CAMK2B: variants seen among roughly 807,000 people sequenced by gnomAD.
CAMK2B encodes calcium/calmodulin dependent protein kinase II beta.
Under a neutral mutation model 93.7 loss-of-function variants are expected in CAMK2B, and 27 were observed. That is an observed-to-expected ratio of 0.29 (90% confidence interval 0.21 to 0.40). The LOEUF is 0.40. Among genes scored for constraint, CAMK2B ranks in the 10% least tolerant of loss-of-function variants. The probability of loss-of-function intolerance (pLI) is 1.00; values close to 1 mark genes in which losing one functional copy is unlikely to be tolerated. For missense variants in CAMK2B, 568 were observed against 895.8 expected, an observed-to-expected ratio of 0.63 and a Z score of 4.67; for synonymous variants, 374 against 358.8, an observed-to-expected ratio of 1.04 and a Z score of -0.48.
intron 2 of CAMK2B, among the ~76,000 whole-genome samples, chr7:44,281,400 A>G (rs2097101253): frequency 6.6e-6 from 1 of 152,222 alleles, no homozygotes; most frequent in African/African-American, 2.4e-5. Context: ...CCTGGGCTCA[A>G]GCCAGCAGCA....
intron 1 of CAMK2B, among the ~76,000 whole-genome samples, chr7:44,324,773 T>G (rs1259600846): frequency 6.6e-6 from 1 of 152,060 alleles, no homozygotes; most frequent in African/African-American, 2.4e-5. Flanking sequence ...TCCAGAAGAA[T>G]CTGGGGGAAA....
intron 20 of CAMK2B, 147 bp from the exon 21 acceptor site, chr7:44,221,048 G>A (rs936623069): frequency 1.2e-4 from 75 of 622,440 alleles, no homozygotes; most frequent in Non-Finnish European, 1.9e-4. Flanking sequence ...CCTCTCCGCC[G>A]CCCCCCCTGC....
At chr7:44,280,326 A>G (rs112091892) in intron 2 of CAMK2B, among the ~76,000 whole-genome samples, 95 of 152,268 alleles carry the variant, frequency 6.2e-4, no homozygotes, top group African/African-American at 2.2e-3. Flanking sequence ...ACGGGTCTCA[A>G]TCTGTGGAGA....
chr7:44,242,439 G>C, intron 9 of CAMK2B, 99 bp from the exon 10 acceptor site: 3 of 1,550,326 alleles, frequency 1.9e-6, no homozygotes, highest in South Asian at 1.2e-5. Flanking sequence ...GAATCTGGGA[G>C]AGCAGGACCC....
chr7:44,323,500 A>T (rs929319829), intron 1 of CAMK2B, among the ~76,000 whole-genome samples: 4 of 152,234 alleles, frequency 2.6e-5, no homozygotes, highest in African/African-American at 9.6e-5. Context: ...GGCACTGGCC[A>T]GGACATCCAG....
intron 13 of CAMK2B, among the ~76,000 whole-genome samples, chr7:44,237,512 C>T (rs1007108541): frequency 1.3e-5 from 2 of 152,226 alleles, no homozygotes; most frequent in Non-Finnish European, 1.5e-5. Flanking sequence ...GCTTTTAAAA[C>T]AATCGCTTGT....
At chr7:44,319,878 C>T (rs1394534853) in intron 1 of CAMK2B, among the ~76,000 whole-genome samples, 1 of 152,150 alleles carries the variant, frequency 6.6e-6, no homozygotes, top group Non-Finnish European at 1.5e-5. Context: ...AAACAGATTG[C>T]AGAATCACAT....
chr7:44,227,122 A>G (rs568768303), intron 19 of CAMK2B, among the ~76,000 whole-genome samples: 2 of 528 alleles, frequency 3.8e-3, no homozygotes, highest in Admixed American at 0.024. Flanking sequence ...GGACAGAGGG[A>G]GTGTGGAGGA....
At chr7:44,281,113 C>T (rs991663788) in intron 2 of CAMK2B, among the ~76,000 whole-genome samples, 9 of 152,246 alleles carry the variant, frequency 5.9e-5, no homozygotes, top group Non-Finnish European at 1.2e-4. Flanking sequence ...CTCACCAAGC[C>T]GTGCACACAG....
chr7:44,219,557 C>A (rs2096372111), intron 23 of CAMK2B, 35 bp from the exon 24 acceptor site: 2 of 155,332 alleles, frequency 1.3e-5, no homozygotes, highest in Non-Finnish European at 2.8e-5. Flanking sequence ...TCCTCAGCAG[C>A]CCCCTCTCCC....
chr7:44,283,550 C>T (rs1047142581), intron 2 of CAMK2B, among the ~76,000 whole-genome samples: 7 of 152,254 alleles, frequency 4.6e-5, no homozygotes, highest in Non-Finnish European at 8.8e-5. Flanking sequence ...GCGGAGTGCC[C>T]TGCCACTATG....
At chr7:44,219,982 C>T in intron 23 of CAMK2B, 78 bp downstream of exon 23, 1 of 1,252,542 alleles carries the variant, frequency 8.0e-7, no homozygotes, top group African/African-American at 1.5e-5. Flanking sequence ...CACCGCTCCC[C>T]ATCGCCTCCC....
upstream of CAMK2B, chr7:44,325,661 A>T (rs186863291): frequency 0.042 from 6,190 of 145,674 alleles, 365 homozygotes; most frequent in East Asian, 0.22. Flanking sequence ...CGCCGCTGTC[A>T]CCGCCGCCGC....
chr7:44,279,268 G>A (rs774690774), intron 2 of CAMK2B, among the ~76,000 whole-genome samples: 14 of 152,200 alleles, frequency 9.2e-5, no homozygotes, highest in Admixed American at 6.5e-5. Flanking sequence ...TGTTGAAGCT[G>A]GGTTCGTTCT....
At chr7:44,265,689 A>T (rs1209595075) in intron 2 of CAMK2B, among the ~76,000 whole-genome samples, 3 of 152,154 alleles carry the variant, frequency 2.0e-5, no homozygotes. Flanking sequence ...ATTCCTGAGC[A>T]TGTGTTTAGG....
In CAMK2B at chr7:44,256,454, T is replaced by C. The variant is rs60571849; in HGVS notation, c.276-1847A>G. 4.0e-3 allele frequency among the ~76,000 whole-genome samples: 612 copies of C among 152,288 alleles called. 3 individuals carry two copies. The highest frequency in any genetic ancestry group is 0.014 in the African/African-American group (578 of 41,536). The stretch of plus-strand genomic sequence containing the variant: ...GCCTGTGTGCATGTGTGTACAACTG[T>C]GTGCCTGTGTGTGCCCTTGTGCACT... On this transcript the variant is annotated intron_variant, in intron 4 of 23. Coordinates refer to ENST00000395749, the MANE Select transcript of CAMK2B (RefSeq NM_001220.5).
chr7:44,274,052 G>A (rs909155731), intron 2 of CAMK2B, among the ~76,000 whole-genome samples: 8 of 152,072 alleles, frequency 5.3e-5, no homozygotes, highest in East Asian at 1.9e-4. Flanking sequence ...TACCACCTCC[G>A]GATGAGAGCA....
intron 15 of CAMK2B, among the ~76,000 whole-genome samples, chr7:44,233,619 C>T (rs2096599426): frequency 6.6e-6 from 1 of 152,118 alleles, no homozygotes; most frequent in South Asian, 2.1e-4. Context: ...CACAGCACAG[C>T]GCCCCAGCAG....
intron 2 of CAMK2B, among the ~76,000 whole-genome samples, chr7:44,283,162 T>TCC (rs1351743705): frequency 6.6e-6 from 1 of 152,114 alleles, no homozygotes; most frequent in East Asian, 1.9e-4. Context: ...CCTGCCATAG[T>TCC]CCCTCCCCAC....
Sources: gnomAD v4.1 joint callset for allele counts (sites outside exome capture counted in the v4.1 genomes callset) on GRCh38, gnomAD v4.1.1 for gene constraint, MANE v1.5 for transcripts, NCBI Gene and HGNC (gene_info 2026-07-23, HGNC 2026-07-21) for gene names.